KIF6: variants seen among roughly 807,000 people sequenced by gnomAD.
KIF6 encodes kinesin family member 6.
In KIF6, 106 loss-of-function variants were observed where a neutral mutation model predicts 112.7. The ratio of observed to expected loss-of-function variants is 0.94; its 90% CI spans 0.80 to 1.11. The LOEUF (loss-of-function observed/expected upper bound fraction) is 1.11, where lower values mean the gene tolerates loss of function less well. Among genes scored for constraint, KIF6 ranks in the 50% least tolerant of loss-of-function variants. The pLI is 0.00. For synonymous variants in KIF6, 339 were observed against 339.9 expected, an observed-to-expected ratio of 1.00 and a Z score of 0.03; for missense variants, 929 against 964.0, an observed-to-expected ratio of 0.96 and a Z score of 0.48.
chr6:39,625,363 A>C (rs1784037020), intron 5 of KIF6, among the ~76,000 whole-genome samples: 1 of 152,154 alleles, frequency 6.6e-6, no homozygotes, highest in Non-Finnish European at 1.5e-5. Flanking sequence ...GTGTGGAATT[A>C]TGTCATTTTC....
intron 13 of KIF6, among the ~76,000 whole-genome samples, chr6:39,480,091 A>T (rs528682451): frequency 6.6e-6 from 1 of 152,280 alleles, no homozygotes; most frequent in East Asian, 1.9e-4. Flanking sequence ...TACTATGTTG[A>T]ATAGAAGTGG....
At position 39,370,406 on chromosome 6, in the gene KIF6, G is replaced by C. The variant is rs149390043; in HGVS notation, c.1862-7888C>G. On this transcript the variant is annotated intron_variant, in intron 16 of 22. Transcript: ENST00000287152. ...CTGGCTAATTAGAGAAATTTCAGGA[G>C]TTTTAAAAATTGAGTTGTGGATCCT... is the stretch of plus-strand genomic sequence containing the variant. Among the ~76,000 whole-genome samples the C allele has an allele frequency of 3.9e-3, 597 of 152,278 alleles. 4 individuals are homozygous for C. Among genetic ancestry groups the C allele is most frequent in the African/African-American group, 0.013 (526 of 41,556 alleles).
At chr6:39,396,930 A>G (rs1204428035) in intron 15 of KIF6, among the ~76,000 whole-genome samples, 1 of 152,142 alleles carries the variant, frequency 6.6e-6, no homozygotes, top group Non-Finnish European at 1.5e-5. Flanking sequence ...GGACATCTGT[A>G]TTTTCCCCTG....
Position 39,345,789 on chromosome 6 carries a change from AC to A in KIF6, c.2232-1del, listed in dbSNP as rs761021163. On this transcript the variant is annotated splice_acceptor_variant, in intron 20 of 22. Coordinates refer to ENST00000287152, the MANE Select transcript of KIF6 (RefSeq NM_145027.6). LOFTEE classifies it high-confidence loss of function. ...GCAGGATTTTCCTGGCATTCACATC[AC>A]TGCAAAACACAAACAAACAAAAGCA... is the stretch of plus-strand genomic sequence containing the variant. 1.3e-4 allele frequency: 213 copies of A among 1,612,040 alleles called. No individual in the cohort carries two copies. The highest frequency in any genetic ancestry group is 1.8e-4 in the Non-Finnish European group (209 of 1,178,962).
intron 6 of KIF6, among the ~76,000 whole-genome samples, chr6:39,600,469 G>A (rs1243499920): frequency 6.6e-6 from 1 of 152,154 alleles, no homozygotes; most frequent in Non-Finnish European, 1.5e-5. Context: ...AGCATGAAAT[G>A]AGAAAAGCAA....
intron 2 of KIF6, chr6:39,718,341 A>C (rs897485115): frequency 6.6e-6 from 1 of 152,150 alleles, no homozygotes; most frequent in Admixed American, 6.5e-5. Flanking sequence ...ATATTTCAGC[A>C]AACTGTTGTT....
intron 3 of KIF6, 41 bp from the exon 4 acceptor site, chr6:39,639,798 T>C (rs2150768419): frequency 6.4e-7 from 1 of 1,564,922 alleles, no homozygotes; most frequent in Non-Finnish European, 8.7e-7. Flanking sequence ...TCAACATGGC[T>C]AACTGCATAT....
chr6:39,432,959 A>G (rs1771265216), intron 13 of KIF6, among the ~76,000 whole-genome samples: 1 of 152,060 alleles, frequency 6.6e-6, no homozygotes, highest in Non-Finnish European at 1.5e-5. Context: ...GCCTTCCACC[A>G]ACAGAGGTGT....
rs930199879 is a variant in KIF6, at chr6:39,342,412, C to A, written c.2428+1297G>T. ...CTCCCCCTAGAATGTCAGTTTCTCA[C>A]GTGCTGGGTTCTGTCTTGTTCTCTG... On this transcript the variant is annotated intron_variant, in intron 22 of 22. Transcript: ENST00000287152. The surrounding 1 kb of genome is among the most constrained non-coding windows in gnomAD (Gnocchi z 4.7). 1.3e-5 allele frequency among the ~76,000 whole-genome samples: 2 copies of A among 152,262 alleles called. No individual in the cohort carries two copies. The highest frequency in any genetic ancestry group is 1.3e-4 in the Admixed American group (2 of 15,294).
At chr6:39,646,515 G>A (rs1018371183) in intron 3 of KIF6, among the ~76,000 whole-genome samples, 2 of 152,036 alleles carry the variant, frequency 1.3e-5, no homozygotes, top group Non-Finnish European at 1.5e-5. Flanking sequence ...AGAGGGGAGG[G>A]GCAGGTGAAG....
At chr6:39,345,922 C>T (rs1763677787) in intron 20 of KIF6, 133 bp from the exon 21 acceptor site, 2 of 647,760 alleles carry the variant, frequency 3.1e-6, no homozygotes. Flanking sequence ...CCCTAATTCC[C>T]AGTGTGATGG....
intron 10 of KIF6, among the ~76,000 whole-genome samples, chr6:39,566,591 AG>A (rs1293861141): frequency 6.6e-6 from 1 of 152,236 alleles, no homozygotes; most frequent in Admixed American, 6.5e-5. Flanking sequence ...GTCTAAGAAA[AG>A]CACCACTTTG....
intron 3 of KIF6, among the ~76,000 whole-genome samples, chr6:39,676,920 G>A (rs1314421943): frequency 3.3e-5 from 5 of 151,864 alleles, no homozygotes; most frequent in Admixed American, 1.3e-4. Flanking sequence ...CCACTAAATC[G>A]ACTAAAACTT....
chr6:39,647,337 C>T (rs755985450), intron 3 of KIF6, among the ~76,000 whole-genome samples: 5 of 152,122 alleles, frequency 3.3e-5, no homozygotes, highest in Admixed American at 6.5e-5. Flanking sequence ...CTTAGTCCCT[C>T]TTATGGTAAT....
intron 13 of KIF6, among the ~76,000 whole-genome samples, chr6:39,443,156 T>TAAAAAA (rs1181261661): frequency 3.5e-5 from 4 of 113,090 alleles, no homozygotes; most frequent in Admixed American, 3.1e-4. Flanking sequence ...ATAATAATAA[T>TAAAAAA]AATAAATAAA....
intron 19 of KIF6, 41 bp from the exon 20 acceptor site, chr6:39,346,567 A>G (rs1763825544): frequency 5.9e-6 from 4 of 679,928 alleles, no homozygotes; most frequent in East Asian, 2.7e-5. Flanking sequence ...CACTCAGTCT[A>G]TAGTATTTTG....
chr6:39,482,791 A>G (rs1223285466), intron 13 of KIF6, among the ~76,000 whole-genome samples: 2 of 152,180 alleles, frequency 1.3e-5, no homozygotes, highest in Non-Finnish European at 2.9e-5. Context: ...CCACTGGGAG[A>G]GAGTACCATA....
intron 10 of KIF6, among the ~76,000 whole-genome samples, chr6:39,574,032 A>G (rs944979864): frequency 1.3e-5 from 2 of 152,228 alleles, no homozygotes; most frequent in Admixed American, 1.3e-4. Flanking sequence ...TGACATTTGT[A>G]TATTTCTCAT....
intron 3 of KIF6, among the ~76,000 whole-genome samples, chr6:39,693,032 C>G (rs1275294365): frequency 6.6e-6 from 1 of 152,216 alleles, no homozygotes; most frequent in Admixed American, 6.5e-5. Context: ...AATGAAAGGG[C>G]ATGACTCAGT....
Sources: allele counts gnomAD v4.1 joint callset (sites outside exome capture counted in the v4.1 genomes callset), GRCh38; gene constraint gnomAD v4.1.1; non-coding constraint Gnocchi (gnomAD v3.1); transcripts MANE v1.5; gene names NCBI Gene and HGNC (gene_info 2026-07-23, HGNC 2026-07-21).